MYCBP2: variants seen among roughly 807,000 people sequenced by gnomAD.
MYCBP2 encodes the protein E3 ubiquitin-protein ligase MYCBP2.
Under a neutral mutation model 525.3 loss-of-function variants are expected in MYCBP2, and 120 were observed. The ratio of observed to expected loss-of-function variants is 0.23; its 90% CI spans 0.20 to 0.27. MYCBP2 has a LOEUF of 0.27. MYCBP2 is among the 10% of genes least tolerant of loss of function. MYCBP2 has a pLI of 1.00. For synonymous variants in MYCBP2, 1,894 were observed against 1,955.8 expected (o/e 0.97, Z 0.83); for missense variants, 4,149 against 5,657.1 (o/e 0.73, Z 8.55).
At chr13:77,280,225 T>C (rs998679916) in intron 3 of MYCBP2, among the ~76,000 whole-genome samples, 2 of 152,224 alleles carry the variant, frequency 1.3e-5, no homozygotes, top group Non-Finnish European at 2.9e-5. Flanking sequence ...AGGAGGACTG[T>C]CTTTGGAGAA....
chr13:77,222,780 T>C (rs2065774025), intron 20 of MYCBP2, among the ~76,000 whole-genome samples: 1 of 152,180 alleles, frequency 6.6e-6, no homozygotes, highest in Non-Finnish European at 1.5e-5. Context: ...ACCATGTAAA[T>C]GGCAGAATTC....
chr13:77,269,844 A>G (rs2074628880), intron 7 of MYCBP2, 148 bp downstream of exon 7: 2 of 663,720 alleles, frequency 3.0e-6, no homozygotes, highest in African/African-American at 3.7e-5. Context: ...AGTGTTCTTT[A>G]CGCTACACTA....
At chr13:77,174,827 T>C (rs1395467427) in intron 36 of MYCBP2, among the ~76,000 whole-genome samples, 3 of 137,156 alleles carry the variant, frequency 2.2e-5, no homozygotes, top group African/African-American at 8.4e-5. Flanking sequence ...TAGTAAGTGA[T>C]GGAACTAGGT....
intron 55 of MYCBP2, 61 bp from the exon 56 acceptor site, chr13:77,099,074 C>A: frequency 1.9e-6 from 3 of 1,570,078 alleles, no homozygotes; most frequent in Non-Finnish European, 2.6e-6. Flanking sequence ...GATAATTTAG[C>A]CACTAAACAC....
intron 75 of MYCBP2, 40 bp from the exon 76 acceptor site, chr13:77,061,341 T>G: frequency 6.5e-7 from 1 of 1,530,910 alleles, no homozygotes; most frequent in Non-Finnish European, 8.9e-7. Flanking sequence ...TATGCTTATT[T>G]ATCACTCTGA....
intron 71 of MYCBP2, among the ~76,000 whole-genome samples, chr13:77,066,396 C>T (rs2040205905): frequency 6.6e-6 from 1 of 152,140 alleles, no homozygotes. Flanking sequence ...GGAGCTTAAC[C>T]GGAATATAAA....
At chr13:77,218,864 T>C (rs567239355) in intron 20 of MYCBP2, among the ~76,000 whole-genome samples, 175 of 152,296 alleles carry the variant, frequency 1.1e-3, no homozygotes, top group African/African-American at 3.9e-3. Context: ...ATTATGACAC[T>C]TTAAATTTTA....
At chr13:77,138,118 T>A (rs972512707) in intron 52 of MYCBP2, among the ~76,000 whole-genome samples, 1 of 152,236 alleles carries the variant, frequency 6.6e-6, no homozygotes, top group African/African-American at 2.4e-5. Context: ...TATAGATGTA[T>A]CATTGTTCAA....
At chr13:77,190,676 T>C (rs2061214929) in intron 28 of MYCBP2, among the ~76,000 whole-genome samples, 1 of 152,176 alleles carries the variant, frequency 6.6e-6, no homozygotes. Context: ...TTAGCCTCAG[T>C]GTGCCATGAC....
intron 76 of MYCBP2, 134 bp downstream of exon 76, chr13:77,061,035 T>G (rs1217531247): frequency 9.8e-7 from 1 of 1,023,404 alleles, no homozygotes; most frequent in African/African-American, 1.7e-5. Context: ...ATATATTTAG[T>G]AAATATATAG....
intron 26 of MYCBP2, among the ~76,000 whole-genome samples, chr13:77,198,836 T>C (rs2062059014): frequency 6.6e-6 from 1 of 152,222 alleles, no homozygotes; most frequent in Non-Finnish European, 1.5e-5. Flanking sequence ...TCCTCTGTCA[T>C]TAAAATGGCT....
At chr13:77,244,844 T>C (rs1053709726) in intron 15 of MYCBP2, among the ~76,000 whole-genome samples, 3 of 152,092 alleles carry the variant, frequency 2.0e-5, no homozygotes, top group Non-Finnish European at 4.4e-5. Flanking sequence ...CATCAAAAAG[T>C]GGGCAAAGGA....
rs535815430 is a variant in MYCBP2, at chr13:77,244,496, C to A, written c.2382-545G>T. Among the ~76,000 whole-genome samples, 5 of 152,258 alleles carry A rather than the reference C, an allele frequency of 3.3e-5. No individual in the cohort carries two copies. In the East Asian group the frequency reaches 5.8e-4, roughly 18 times the overall value. ...ACTGAAACTGGACCCCTTCCTTACACCTTATACAAAAATTAATTCAAGATG... is the reference window on the plus strand; with the variant it reads ...ACTGAAACTGGACCCCTTCCTTACAACTTATACAAAAATTAATTCAAGATG... On this transcript the variant is annotated intron_variant, in intron 15 of 82. Transcript: ENST00000544440.
At position 77,064,605 on chromosome 13, in the gene MYCBP2, C is replaced by T. The variant is rs1465536535; in HGVS notation, c.12672+10G>A. The T allele has an allele frequency of 1.3e-6, 2 of 1,597,534 alleles. No homozygotes were observed. Among genetic ancestry groups the T allele is most frequent in the South Asian group, 1.1e-5 (1 of 89,104 alleles). The stretch of plus-strand genomic sequence containing the variant: ...AAATTTAAAACAAAACAAAACAAAG[C>T]AAAACCTACTCTAGTTGTTGCAATA... On this transcript the variant is annotated intron_variant, in intron 73 of 82. Transcript: ENST00000544440.
At chr13:77,167,142 A>T (rs2058642066) in intron 40 of MYCBP2, among the ~76,000 whole-genome samples, 1 of 152,162 alleles carries the variant, frequency 6.6e-6, no homozygotes, top group Admixed American at 6.5e-5. Flanking sequence ...TTGAATTAGT[A>T]TCAACAGTAT....
chr13:77,070,513 G>A (rs890345892), intron 69 of MYCBP2, 118 bp downstream of exon 69: 1 of 606,896 alleles, frequency 1.6e-6, no homozygotes, highest in East Asian at 2.9e-5. Context: ...GCCCAGGGAA[G>A]CCAAAAGATT....
At chr13:77,171,971 G>T (rs1251206337) in intron 37 of MYCBP2, among the ~76,000 whole-genome samples, 8 of 152,106 alleles carry the variant, frequency 5.3e-5, no homozygotes, top group Non-Finnish European at 1.5e-5. Context: ...CATGATCTCG[G>T]CTCACTGCAA....
At position 77,169,598 on chromosome 13, in the gene MYCBP2, GA is replaced by G. The variant is rs753194778; in HGVS notation, c.5895+15del. The G allele has an allele frequency of 1.8e-5, 28 of 1,582,002 alleles. No individual in the cohort carries two copies. Among genetic ancestry groups the G allele is most frequent in the Middle Eastern group, 1.7e-4 (1 of 6,022 alleles). On this transcript the variant is annotated intron_variant, in intron 39 of 82. Transcript: ENST00000544440. ...TTTAAAAAAAACATTCAAAGTTATAGAATTAAATTACACACCTTGGGAATAG... is the reference window on the plus strand; with the variant it reads ...TTTAAAAAAAACATTCAAAGTTATAGATTAAATTACACACCTTGGGAATAG...
intron 81 of MYCBP2, 55 bp from the exon 82 acceptor site, chr13:77,051,217 C>CA: frequency 6.7e-7 from 1 of 1,502,700 alleles, no homozygotes; most frequent in African/African-American, 1.4e-5. Context: ...ATTTCAATCA[C>CA]ACTTAAGATA....
Sources: allele counts gnomAD v4.1 joint callset (sites outside exome capture counted in the v4.1 genomes callset), GRCh38; gene constraint gnomAD v4.1.1; transcripts MANE v1.5; gene names NCBI Gene and HGNC (gene_info 2026-07-23, HGNC 2026-07-21).